DENND4A: variants seen among roughly 807,000 people sequenced by gnomAD.
The protein encoded by DENND4A is DENN domain containing 4A.
DENND4A carries 70 observed loss-of-function variants against 199.3 expected under a neutral mutation model. That is an observed-to-expected ratio of 0.35 (90% CI 0.29 to 0.43). DENND4A has a LOEUF of 0.43. Ranked by LOEUF, DENND4A falls within the 20% of genes least tolerant of loss-of-function variation. DENND4A has a pLI of 1.00. For missense variants in DENND4A, 1,723 were observed against 2,255.8 expected, an observed-to-expected ratio of 0.76 and a Z score of 4.78; for synonymous variants, 686 against 766.9, an observed-to-expected ratio of 0.89 and a Z score of 1.74.
At chr15:65,788,202 G>A (rs892461023) in intron 1 of DENND4A, among the ~76,000 whole-genome samples, 5 of 151,570 alleles carry the variant, frequency 3.3e-5, no homozygotes, top group Non-Finnish European at 7.4e-5. Context: ...TCAGCCTCCC[G>A]AGTAGCTGGG....
At chr15:65,711,393 C>A (rs2075245078) in intron 14 of DENND4A, among the ~76,000 whole-genome samples, 1 of 152,116 alleles carries the variant, frequency 6.6e-6, no homozygotes, top group South Asian at 2.1e-4. Flanking sequence ...ACTCAGGAGA[C>A]TGAGGTGAGA....
At chr15:65,679,549 G>T (rs1181292998) in intron 23 of DENND4A, among the ~76,000 whole-genome samples, 1 of 149,790 alleles carries the variant, frequency 6.7e-6, no homozygotes, top group Non-Finnish European at 1.5e-5. Context: ...ACATTTTTTT[G>T]AGGTAGGGTT....
intron 1 of DENND4A, among the ~76,000 whole-genome samples, chr15:65,791,661 C>T (rs975579266): frequency 2.0e-5 from 3 of 152,120 alleles, no homozygotes; most frequent in African/African-American, 4.8e-5. Context: ...ACTTACGTAA[C>T]GGGCTTGTCA....
At position 65,660,694 on chromosome 15, in the gene DENND4A, T is replaced by A. The variant is rs2075822707; in HGVS notation, c.*1157A>T. The A allele has an allele frequency of 6.3e-6, 1 of 159,502 alleles. No individual in the cohort carries two copies. The highest frequency in any genetic ancestry group is 6.4e-5 in the Admixed American group (1 of 15,706). 9.9% of individuals were successfully genotyped at this position (159,502 alleles called of 1,614,324 possible). On this transcript the variant is annotated 3_prime_UTR_variant, in exon 33 of 33. Coordinates refer to ENST00000443035, the MANE Select transcript of DENND4A (RefSeq NM_001320835.1). The stretch of plus-strand genomic sequence containing the variant: ...TTTCTGGATATTTCTGTATTTTAGA[T>A]TCTACAGACTTCAGATTCTGAAGCT...
At chr15:65,747,027 A>C (rs1047533067) in intron 4 of DENND4A, among the ~76,000 whole-genome samples, 6 of 151,766 alleles carry the variant, frequency 4.0e-5, no homozygotes, top group African/African-American at 1.5e-4. Flanking sequence ...AATCACTTGA[A>C]CCCAGGAGGT....
At chr15:65,741,968 G>A (rs2076272526) in intron 4 of DENND4A, among the ~76,000 whole-genome samples, 184 bp from the exon 5 acceptor site, 1 of 152,064 alleles carries the variant, frequency 6.6e-6, no homozygotes, top group Admixed American at 6.6e-5. Context: ...TTTTCTTTCA[G>A]AAGTAAATTA....
chr15:65,664,465 T>C, intron 31 of DENND4A, 71 bp from the exon 32 acceptor site: 1 of 1,519,816 alleles, frequency 6.6e-7, no homozygotes, highest in Non-Finnish European at 9.0e-7. Flanking sequence ...AAAAATTTAA[T>C]GCTATCATAA....
intron 3 of DENND4A, among the ~76,000 whole-genome samples, chr15:65,755,416 T>C (rs1165402457): frequency 6.6e-6 from 1 of 152,166 alleles, no homozygotes; most frequent in Non-Finnish European, 1.5e-5. Context: ...TAAAGCACCC[T>C]AAGTAAAGCT....
intron 1 of DENND4A, chr15:65,772,183 C>T (rs575489166): frequency 1.0e-4 from 68 of 667,186 alleles, no homozygotes; most frequent in Admixed American, 1.8e-4. Context: ...ATTAGCAACA[C>T]CATTATCACT....
chr15:65,688,327 C>G (rs1424913825), intron 23 of DENND4A, among the ~76,000 whole-genome samples: 1 of 152,136 alleles, frequency 6.6e-6, no homozygotes, highest in African/African-American at 2.4e-5. Flanking sequence ...TTCCCTGATA[C>G]TTCCAACATC....
chr15:65,769,165 T>G (rs2077062017), intron 1 of DENND4A, among the ~76,000 whole-genome samples: 1 of 150,880 alleles, frequency 6.6e-6, no homozygotes, highest in African/African-American at 2.4e-5. Context: ...TTTTTAAAAA[T>G]AGCTAAGAAT....
intron 23 of DENND4A, among the ~76,000 whole-genome samples, chr15:65,682,935 TG>T (rs2076631446): frequency 6.6e-6 from 1 of 152,180 alleles, no homozygotes; most frequent in Non-Finnish European, 1.5e-5. Context: ...CCATCTTATA[TG>T]GGAACAGTTC....
Position 65,746,373 on chromosome 15 carries a change from T to C in DENND4A, c.562-4589A>G, listed in dbSNP as rs866848000. Among the ~76,000 whole-genome samples, 384 of 51,422 alleles carry C rather than the reference T, an allele frequency of 7.5e-3. 1 individual carries two copies. Among genetic ancestry groups the C allele is most frequent in the African/African-American group, 0.044 (355 of 8,120 alleles). The allele number at this position is 51,422 out of a possible 152,430, so 33.7% of individuals were successfully genotyped here. On this transcript the variant is annotated intron_variant, in intron 4 of 32. Transcript: ENST00000443035. Reference sequence around the variant, plus strand: ...TTAACAATTCTACTTTTTTCTCTTTTTTTTTTTTTTTTTTTTTTTTTTTTT... The same window carrying C: ...TTAACAATTCTACTTTTTTCTCTTTCTTTTTTTTTTTTTTTTTTTTTTTTT...
intron 11 of DENND4A, among the ~76,000 whole-genome samples, chr15:65,725,692 A>AAT (rs1555426772): frequency 6.8e-6 from 1 of 147,472 alleles, no homozygotes; most frequent in East Asian, 2.0e-4. Flanking sequence ...ATAAAAATAA[A>AAT]AAAAATAAAA....
At chr15:65,680,040 A>G (rs2076518642) in intron 23 of DENND4A, among the ~76,000 whole-genome samples, 1 of 152,174 alleles carries the variant, frequency 6.6e-6, no homozygotes, top group African/African-American at 2.4e-5. Context: ...TACAGATTTC[A>G]TACCTTTGTG....
chr15:65,747,834 AGT>A (rs2076443709), intron 4 of DENND4A, among the ~76,000 whole-genome samples: 1 of 151,992 alleles, frequency 6.6e-6, no homozygotes, highest in South Asian at 2.1e-4. Flanking sequence ...CAAGGTCAGG[AGT>A]TCAAGATCAG....
chr15:65,732,698 G>T, intron 8 of DENND4A, 54 bp downstream of exon 8: 1 of 1,029,996 alleles, frequency 9.7e-7, no homozygotes, highest in Non-Finnish European at 1.5e-6. Flanking sequence ...GTTACATTTT[G>T]ACAGAGCCAA....
chr15:65,750,908 T>A (rs921598337), intron 4 of DENND4A, among the ~76,000 whole-genome samples: 1 of 152,112 alleles, frequency 6.6e-6, no homozygotes, highest in Non-Finnish European at 1.5e-5. Context: ...ATGCAAAGAA[T>A]ATGATAGAGA....
chr15:65,755,041 C>T (rs1242880288), intron 3 of DENND4A, among the ~76,000 whole-genome samples: 2 of 152,168 alleles, frequency 1.3e-5, no homozygotes, highest in African/African-American at 2.4e-5. Flanking sequence ...CTGTGGTATA[C>T]CCATATGATG....
Sources: gnomAD v4.1 joint callset for allele counts (sites outside exome capture counted in the v4.1 genomes callset) on GRCh38, gnomAD v4.1.1 for gene constraint, MANE v1.5 for transcripts, NCBI Gene and HGNC (gene_info 2026-07-23, HGNC 2026-07-21) for gene names.